The following PEBP4 variants were observed in gnomAD, a reference collection of about 807,000 sequenced individuals.
The protein encoded by PEBP4 is phosphatidylethanolamine binding protein 4.
A neutral mutation model predicts 23.9 loss-of-function variants in PEBP4; 22 were observed. That is an observed-to-expected ratio of 0.92 (90% CI 0.66 to 1.31). PEBP4 has a LOEUF of 1.31. Ranked by LOEUF, PEBP4 falls within the 40% of genes most tolerant of loss-of-function variation. PEBP4 has a pLI of 0.00. For missense variants in PEBP4, 324 were observed against 281.7 expected (o/e 1.15, Z -1.07); for synonymous variants, 112 against 99.3 (o/e 1.13, Z -0.76).
chr8:22,781,249 G>T (rs569325848), intron 4 of PEBP4, among the ~76,000 whole-genome samples: 70 of 152,256 alleles, frequency 4.6e-4, no homozygotes, highest in African/African-American at 1.6e-3. Context: ...CCTGCTTGGG[G>T]CCGGCCCCGC....
At chr8:22,789,524 G>A (rs1196810634) in intron 4 of PEBP4, among the ~76,000 whole-genome samples, 3 of 152,146 alleles carry the variant, frequency 2.0e-5, no homozygotes, top group African/African-American at 7.2e-5. Flanking sequence ...CCCCTGAGGT[G>A]GGGCTGTGGG....
At chr8:22,834,918 G>C (rs557549764) in intron 3 of PEBP4, among the ~76,000 whole-genome samples, 27 of 152,252 alleles carry the variant, frequency 1.8e-4, no homozygotes, top group Non-Finnish European at 3.1e-4. Context: ...TCAGCCCCTA[G>C]ACTTCTTGTT....
chr8:22,737,016 G>A (rs919198937), intron 4 of PEBP4, among the ~76,000 whole-genome samples: 2 of 152,148 alleles, frequency 1.3e-5, no homozygotes, highest in Admixed American at 6.5e-5. Context: ...AATAAAGGCC[G>A]GGCATGGTGG....
chr8:22,792,137 G>A (rs2128757076), intron 4 of PEBP4, among the ~76,000 whole-genome samples: 1 of 152,170 alleles, frequency 6.6e-6, no homozygotes, highest in East Asian at 1.9e-4. Context: ...GGGATTACAG[G>A]GATAAGCCAC....
At chr8:22,750,105 CTTTCTTTCT>C (rs1805221306) in intron 4 of PEBP4, among the ~76,000 whole-genome samples, 2 of 151,534 alleles carry the variant, frequency 1.3e-5, no homozygotes, top group African/African-American at 2.4e-5. Context: ...CGCACCCAGC[CTTTCTTTCT>C]TTTTTGAGAC....
At chr8:22,920,579 G>A (rs573645779) in intron 2 of PEBP4, among the ~76,000 whole-genome samples, 4 of 152,290 alleles carry the variant, frequency 2.6e-5, no homozygotes, top group South Asian at 2.1e-4. Context: ...AACCTGGCAC[G>A]TTGTAAGTCA....
chr8:22,790,178 A>T (rs891233326), intron 4 of PEBP4, among the ~76,000 whole-genome samples: 1 of 152,150 alleles, frequency 6.6e-6, no homozygotes, highest in African/African-American at 2.4e-5. Flanking sequence ...CAACCATTGC[A>T]TGGGCTGTTT....
At chr8:22,727,091 A>G (rs993901717) in intron 5 of PEBP4, 84 bp downstream of exon 5, 40 of 1,480,806 alleles carry the variant, frequency 2.7e-5, no homozygotes, top group Non-Finnish European at 3.8e-5. Context: ...CTAGCACACG[A>G]CAAAGCAGCA....
rs139334012 is a variant in PEBP4, at chr8:22,751,588, CTG to C, written c.358-24370_358-24369del. ...TTGACTTGGATAAGGAGGAGTGTGT[CTG>C]TGTGTGTGTGTGTGTGTGTCTGTGT... On this transcript the variant is annotated intron_variant, in intron 4 of 6. Transcript: ENST00000256404. Among the ~76,000 whole-genome samples, 1,137 of 147,144 alleles carry C rather than the reference CTG, an allele frequency of 7.7e-3. 19 individuals carry two copies. Among genetic ancestry groups the C allele is most frequent in the East Asian group, 0.04 (198 of 4,958 alleles).
chr8:22,869,831 AT>A (rs1333392009), intron 3 of PEBP4, among the ~76,000 whole-genome samples: 1 of 152,206 alleles, frequency 6.6e-6, no homozygotes, highest in African/African-American at 2.4e-5. Flanking sequence ...TCACTAGTGA[AT>A]TGCAAATTAA....
At chr8:22,797,918 G>A (rs920303724) in intron 4 of PEBP4, among the ~76,000 whole-genome samples, 8 of 152,158 alleles carry the variant, frequency 5.3e-5, no homozygotes, top group African/African-American at 1.9e-4. Context: ...GTACAGGGCT[G>A]GCTGTGCACG....
intron 3 of PEBP4, among the ~76,000 whole-genome samples, chr8:22,881,231 C>T (rs1242791280): frequency 6.6e-6 from 1 of 152,234 alleles, no homozygotes; most frequent in Non-Finnish European, 1.5e-5. Context: ...CCCACATCCT[C>T]CCTTTCTCCA....
At chr8:22,807,233 A>G (rs1049143511) in intron 4 of PEBP4, among the ~76,000 whole-genome samples, 1 of 152,226 alleles carries the variant, frequency 6.6e-6, no homozygotes, top group Non-Finnish European at 1.5e-5. Flanking sequence ...AAGAGGGGAC[A>G]GAGCAGGTAA....
At chr8:22,881,159 C>T (rs1808248164) in intron 3 of PEBP4, among the ~76,000 whole-genome samples, 1 of 152,250 alleles carries the variant, frequency 6.6e-6, no homozygotes, top group Non-Finnish European at 1.5e-5. Flanking sequence ...TTGAGTGTGT[C>T]CATGGGGCCC....
intron 3 of PEBP4, among the ~76,000 whole-genome samples, chr8:22,864,437 A>G (rs932999169): frequency 1.2e-4 from 9 of 73,964 alleles, no homozygotes; most frequent in African/African-American, 5.2e-4. Flanking sequence ...CCCAGCACTG[A>G]CTTAAGAGGA....
At chr8:22,851,263 C>T (rs984209623) in intron 3 of PEBP4, among the ~76,000 whole-genome samples, 8 of 152,136 alleles carry the variant, frequency 5.3e-5, no homozygotes, top group African/African-American at 1.9e-4. Context: ...AGACCCGGAG[C>T]CCAAAGCCGG....
intron 4 of PEBP4, chr8:22,755,626 G>A (rs1052554457): frequency 1.3e-5 from 2 of 152,114 alleles, no homozygotes; most frequent in Non-Finnish European, 2.9e-5. Flanking sequence ...GTGAGCCACC[G>A]TGCTGGGGCA....
Position 22,925,192 on chromosome 8 carries a change from T to C in PEBP4, c.131+2392A>G, listed in dbSNP as rs535617668. On this transcript the variant is annotated intron_variant, in intron 2 of 6. Coordinates refer to ENST00000256404, the MANE Select transcript of PEBP4 (RefSeq NM_144962.3). ...GACAATAAAGACAAAGCTCCTCTTT[T>C]GCGATGATGGCTTGAAATCAAAAGA... The C allele has an allele frequency of 2.8e-5, 28 of 985,450 alleles. 1 individual carries two copies. In the South Asian group the frequency reaches 1.1e-3, roughly 38 times the overall value. 61.0% of individuals were successfully genotyped at this position (985,450 alleles called of 1,614,324 possible).
chr8:22,721,220 G>A (rs1563193534), intron 6 of PEBP4, among the ~76,000 whole-genome samples: 1 of 152,112 alleles, frequency 6.6e-6, no homozygotes, highest in African/African-American at 2.4e-5. Context: ...CCGGGAAGCT[G>A]GGAGCAAATC....
Sources: gnomAD v4.1 joint callset for allele counts (sites outside exome capture counted in the v4.1 genomes callset) on GRCh38, gnomAD v4.1.1 for gene constraint, MANE v1.5 for transcripts, NCBI Gene and HGNC (gene_info 2026-07-23, HGNC 2026-07-21) for gene names.